Variants in TOP3A observed in about 807,000 individuals in gnomAD.
TOP3A encodes DNA topoisomerase 3-alpha.
A neutral mutation model predicts 111.3 loss-of-function variants in TOP3A; 64 were observed. That is an observed-to-expected ratio of 0.57 (90% CI 0.47 to 0.71). TOP3A has a LOEUF of 0.71. Among genes scored for constraint, TOP3A ranks in the 30% least tolerant of loss-of-function variants. The pLI, the probability that TOP3A is intolerant of heterozygous loss-of-function variation, is 0.00. For missense variants in TOP3A, 1,104 were observed against 1,285.0 expected, an observed-to-expected ratio of 0.86 and a Z score of 2.15; for synonymous variants, 484 against 485.1, an observed-to-expected ratio of 1.00 and a Z score of 0.03.
At chr17:18,297,852 G>A (rs1420588841) in intron 9 of TOP3A, among the ~76,000 whole-genome samples, 155 of 152,118 alleles carry the variant, frequency 1.0e-3, no homozygotes, top group African/African-American at 3.6e-3. Context: ...CACCCCATCT[G>A]GGAAGTGAGG....
intron 17 of TOP3A, 38 bp from the exon 18 acceptor site, chr17:18,278,395 C>T: frequency 6.7e-7 from 1 of 1,490,760 alleles, no homozygotes; most frequent in Non-Finnish European, 8.9e-7. Context: ...CATTAACAAC[C>T]AGATGCCAGC....
chr17:18,276,872 G>A (rs1979404945), intron 18 of TOP3A, among the ~76,000 whole-genome samples: 2 of 152,132 alleles, frequency 1.3e-5, no homozygotes, highest in South Asian at 4.1e-4. Context: ...ATATCATCGG[G>A]GTTGGCATCT....
At position 18,272,596 on chromosome 17, in the gene TOP3A, C is replaced by A. The variant is rs1459852177; in HGVS notation, c.*2206G>T. Among the ~76,000 whole-genome samples, 1 of 152,162 alleles carries A rather than the reference C, an allele frequency of 6.6e-6. No individual in the cohort carries two copies. The highest frequency in any genetic ancestry group is 1.5e-5 in the Non-Finnish European group (1 of 68,046). On this transcript the variant is annotated 3_prime_UTR_variant, in exon 19 of 19. Coordinates refer to ENST00000321105, the MANE Select transcript of TOP3A (RefSeq NM_004618.5). ...TGGGCTATCAGCTTATCATAAACAT[C>A]GAGGACTGACATGCTACAATGTGGA...
chr17:18,281,360 C>T (rs566031660), intron 16 of TOP3A, among the ~76,000 whole-genome samples: 6 of 152,108 alleles, frequency 3.9e-5, no homozygotes, highest in African/African-American at 1.4e-4. Flanking sequence ...GCAAATCCCA[C>T]AAGATAATCT....
At chr17:18,297,984 C>T (rs1403214320) in intron 9 of TOP3A, among the ~76,000 whole-genome samples, 3 of 150,780 alleles carry the variant, frequency 2.0e-5, no homozygotes, top group African/African-American at 7.3e-5. Flanking sequence ...TGAGGAGCGC[C>T]TCTTCCCGGC....
intron 15 of TOP3A, among the ~76,000 whole-genome samples, chr17:18,283,685 G>A (rs1384485542): frequency 1.3e-5 from 2 of 152,182 alleles, no homozygotes; most frequent in East Asian, 3.9e-4. Flanking sequence ...GAAGACTGCT[G>A]CCCCAAATTC....
chr17:18,285,108 G>T (rs1395075843), intron 15 of TOP3A, 34 bp downstream of exon 15: 2 of 1,606,664 alleles, frequency 1.2e-6, no homozygotes, highest in Admixed American at 1.7e-5. Context: ...GGGCAACATA[G>T]TGAGACCCCT....
chr17:18,294,455 C>A (rs2142970282), intron 10 of TOP3A, among the ~76,000 whole-genome samples: 2 of 152,018 alleles, frequency 1.3e-5, no homozygotes, highest in Middle Eastern at 3.4e-3. Flanking sequence ...TCAGCCTCCC[C>A]AGTAGCTGGG....
At chr17:18,278,541 T>C (rs1488349726) in intron 17 of TOP3A, among the ~76,000 whole-genome samples, 184 bp from the exon 18 acceptor site, 1 of 151,774 alleles carries the variant, frequency 6.6e-6, no homozygotes, top group East Asian at 1.9e-4. Context: ...ATCACAGGAG[T>C]GGACAGTGGG....
In TOP3A at chr17:18,272,563, T is replaced by C. The variant is rs1198409871; in HGVS notation, c.*2239A>G. On this transcript the variant is annotated 3_prime_UTR_variant, in exon 19 of 19. Transcript: ENST00000321105. ...ACAAATGGATAATCGTGTGGTATATTCATACAGTGGGCTATCAGCTTATCA... is the reference window on the plus strand; with the variant it reads ...ACAAATGGATAATCGTGTGGTATATCCATACAGTGGGCTATCAGCTTATCA... 6.6e-6 allele frequency among the ~76,000 whole-genome samples: 1 copy of C among 152,242 alleles called. No individual in the cohort carries two copies. The highest frequency in any genetic ancestry group is 1.5e-5 in the Non-Finnish European group (1 of 68,048).
chr17:18,285,361 T>G lies in TOP3A; in HGVS notation c.1711+46A>C, dbSNP rs1399975489. On this transcript the variant is annotated intron_variant, in intron 14 of 18. Transcript: ENST00000321105. ...GGCCCACCTGAGACCCTCAGGGACT[T>G]GGGCGACACCACCCACTACCCACTG... 1.9e-6 allele frequency: 3 copies of G among 1,613,010 alleles called. No homozygotes were observed. The African/African-American group carries it at 4.0e-5, about 22-fold the overall frequency.
chr17:18,290,530 T>C (rs2142961669), intron 13 of TOP3A, 27 bp downstream of exon 13: 3 of 1,536,378 alleles, frequency 2.0e-6, no homozygotes, highest in South Asian at 2.5e-5. Flanking sequence ...GCTCAAGAGA[T>C]GCGAGTTACC....
At position 18,278,004 on chromosome 17, in the gene TOP3A, C is replaced by A. The variant is rs368210504; in HGVS notation, c.2498G>T (p.Arg833Leu). 1 of 1,614,144 alleles carries A rather than the reference C, an allele frequency of 6.2e-7. No individual in the cohort carries two copies. The highest frequency in any genetic ancestry group is 8.5e-7 in the Non-Finnish European group (1 of 1,180,042). The change falls in exon 18 of 19, where the codon CGG becomes CTG. Residue 833 changes from arginine (R) to leucine (L), a missense_variant. Physicochemically the swap from Arg to Leu is moderately radical, Grantham distance 102. Transcript: ENST00000321105. Reference protein sequence around the residue: ...TVRKEGPNRGRQFFKCNGGSC... With the variant: ...TVRKEGPNRGLQFFKCNGGSC... Reference sequence around the variant, plus strand: ...ACCTCCGTTGCACTTAAAGAACTGCCGGCCCCGGTTGGGGCCCTCCTTACG... The same window carrying A: ...ACCTCCGTTGCACTTAAAGAACTGCAGGCCCCGGTTGGGGCCCTCCTTACG...
chr17:18,291,135 G>C lies in TOP3A; in HGVS notation c.1282-108C>G, dbSNP rs1004427692. 3 of 1,121,122 alleles carry C rather than the reference G, an allele frequency of 2.7e-6. No individual in the cohort carries two copies. The African/African-American group carries it at 4.7e-5, about 17-fold the overall frequency. The allele number at this position is 1,121,122 out of a possible 1,614,324, so 69.4% of individuals were successfully genotyped here. A position where few individuals can be genotyped will look rare whatever the true frequency, so the allele number is the denominator to read the frequency against. On this transcript the variant is annotated intron_variant, in intron 11 of 18. Coordinates refer to ENST00000321105, the MANE Select transcript of TOP3A (RefSeq NM_004618.5). ...TGTCCTGCACAGAAGAGGCCACACT[G>C]CTCCTCAGGCCCTGCACTAACATGG...
chr17:18,282,768 T>TG lies in TOP3A; in HGVS notation c.1950dup (p.Met651HisfsTer18). 1 of 1,614,216 alleles carries TG rather than the reference T, an allele frequency of 6.2e-7. No individual in the cohort carries two copies. The highest frequency in any genetic ancestry group is 8.5e-7 in the Non-Finnish European group (1 of 1,180,050). ...GGGCACTTCCTGATGGGCTCTGGCATGGCTGGGTAGATATCTTCTTGCTGG... is the reference window on the plus strand; with the variant it reads ...GGGCACTTCCTGATGGGCTCTGGCATGGGCTGGGTAGATATCTTCTTGCTGG... On this transcript the variant is annotated frameshift_variant, in exon 16 of 19. Transcript: ENST00000321105. LOFTEE classifies it high-confidence loss of function.
chr17:18,296,007 C>G (rs1980780258), intron 9 of TOP3A, among the ~76,000 whole-genome samples: 1 of 151,806 alleles, frequency 6.6e-6, no homozygotes, highest in Non-Finnish European at 1.5e-5. Flanking sequence ...ACCTCGTGAT[C>G]TGCCCGCCTC....
In TOP3A at chr17:18,273,070, C is replaced by T. The variant is rs1979095743; in HGVS notation, c.*1732G>A. 6.6e-6 allele frequency: 1 copy of T among 152,130 alleles called. No individual in the cohort carries two copies. The allele number at this position is 152,130 out of a possible 1,614,324, so 9.4% of individuals were successfully genotyped here. A position where few individuals can be genotyped will look rare whatever the true frequency, so the allele number is the denominator to read the frequency against. On this transcript the variant is annotated 3_prime_UTR_variant, in exon 19 of 19. Transcript: ENST00000321105. Reference sequence around the variant, plus strand: ...AAATCACACACGCAGGGCCACAACCCACACCCACTCGGAGATGTTCCAGGA... The same window carrying T: ...AAATCACACACGCAGGGCCACAACCTACACCCACTCGGAGATGTTCCAGGA...
chr17:18,310,088 T>C (rs900331377), intron 1 of TOP3A, among the ~76,000 whole-genome samples: 2 of 152,150 alleles, frequency 1.3e-5, no homozygotes, highest in African/African-American at 4.8e-5. Context: ...TATGGTAAAA[T>C]GAAATATGAT....
intron 3 of TOP3A, 94 bp downstream of exon 3, chr17:18,308,257 A>T (rs1472410399): frequency 1.9e-5 from 9 of 462,004 alleles, no homozygotes; most frequent in Non-Finnish European, 3.3e-5. Flanking sequence ...AAAAAAAAAA[A>T]AATTACCCAG....
Sources: allele counts gnomAD v4.1 joint callset (sites outside exome capture counted in the v4.1 genomes callset), GRCh38; gene constraint gnomAD v4.1.1; transcripts MANE v1.5; gene names NCBI Gene and HGNC (gene_info 2026-07-23, HGNC 2026-07-21).